ANKS1B: variants seen among roughly 807,000 people sequenced by gnomAD.
ANKS1B encodes ankyrin repeat and sterile alpha motif domain-containing protein 1B.
ANKS1B carries 36 observed loss-of-function variants against 148.3 expected under a neutral mutation model. The observed-to-expected ratio is 0.24, with a 90% CI of 0.19 to 0.32. The LOEUF is 0.32. Among genes scored for constraint, ANKS1B ranks in the 10% least tolerant of loss-of-function variants. The pLI is 1.00. For missense variants in ANKS1B, 1,157 were observed against 1,542.6 expected (o/e 0.75, Z 4.19); for synonymous variants, 542 against 560.8 (o/e 0.97, Z 0.47).
chr12:99,073,200 C>A (rs1253708546), intron 16 of ANKS1B, among the ~76,000 whole-genome samples: 2 of 152,138 alleles, frequency 1.3e-5, no homozygotes, highest in East Asian at 1.9e-4. Context: ...AGGTGAGGAA[C>A]CAGGCACAGA....
In ANKS1B at chr12:99,504,472, T is replaced by C. The variant is rs2096687021; in HGVS notation, c.1438+4A>G. 1 of 1,611,338 alleles carries C rather than the reference T, an allele frequency of 6.2e-7. No homozygotes were observed. Among genetic ancestry groups the C allele is most frequent in the South Asian group, 1.1e-5 (1 of 90,378 alleles). ...TCAGGCCAATTGTGAGTAAGAGATA[T>C]TACCAGTTCTTGGGGAAGGTGCCCT... On this transcript the variant is annotated splice_donor_region_variant and intron_variant, in intron 10 of 26. Coordinates refer to ENST00000683438, the MANE Select transcript of ANKS1B (RefSeq NM_001352186.2).
At chr12:98,793,188 C>T (rs556160097) in intron 22 of ANKS1B, among the ~76,000 whole-genome samples, 2 of 152,244 alleles carry the variant, frequency 1.3e-5, no homozygotes, top group East Asian at 1.9e-4. Context: ...TTTTGCTTTG[C>T]ATTTCCCTAG....
intron 12 of ANKS1B, among the ~76,000 whole-genome samples, chr12:99,356,403 C>T (rs145382137): frequency 2.3e-3 from 346 of 152,252 alleles, no homozygotes; most frequent in African/African-American, 7.7e-3. Flanking sequence ...CTGACCACCA[C>T]GCACTGGCAT....
intron 11 of ANKS1B, among the ~76,000 whole-genome samples, chr12:99,410,893 C>T (rs1435993198): frequency 6.6e-6 from 1 of 152,122 alleles, no homozygotes; most frequent in Non-Finnish European, 1.5e-5. Flanking sequence ...CGTATTGCTC[C>T]CTTGGTCATG....
intron 4 of ANKS1B, among the ~76,000 whole-genome samples, chr12:99,784,338 A>C (rs1015994075): frequency 6.6e-6 from 1 of 151,618 alleles, no homozygotes; most frequent in Admixed American, 6.6e-5. Context: ...CACCCAGCTA[A>C]TTTTTTTGTA....
At chr12:99,367,873 G>C (rs1221189350) in intron 12 of ANKS1B, among the ~76,000 whole-genome samples, 2 of 152,014 alleles carry the variant, frequency 1.3e-5, no homozygotes, top group Non-Finnish European at 2.9e-5. Flanking sequence ...GTAGGGAATA[G>C]ATGGAAAGAA....
intron 8 of ANKS1B, among the ~76,000 whole-genome samples, chr12:99,688,894 G>A (rs563456574): frequency 3.1e-4 from 46 of 149,464 alleles, no homozygotes; most frequent in Non-Finnish European, 2.7e-4. Flanking sequence ...AAAAAAAAAA[G>A]AGAGAAAATG....
intron 17 of ANKS1B, among the ~76,000 whole-genome samples, chr12:98,840,138 C>G (rs2099397715): frequency 6.6e-6 from 1 of 152,094 alleles, no homozygotes; most frequent in Non-Finnish European, 1.5e-5. Flanking sequence ...GAAAATAACA[C>G]CTATGTCTTA....
At chr12:99,585,665 TA>T (rs2097627904) in intron 9 of ANKS1B, among the ~76,000 whole-genome samples, 2 of 152,202 alleles carry the variant, frequency 1.3e-5, no homozygotes, top group Non-Finnish European at 2.9e-5. Flanking sequence ...GAAGTTTCCA[TA>T]CATCCTCCAA....
chr12:99,332,707 T>C lies in ANKS1B; in HGVS notation c.1756+66924A>G, dbSNP rs1371361985. On this transcript the variant is annotated intron_variant, in intron 12 of 26. Transcript: ENST00000683438. The stretch of plus-strand genomic sequence containing the variant: ...GAGCTTTCAAAAAAAAAAAAGCTTT[T>C]TTTCTTTTTTCCAGGTGGACCATGG... 2.0e-5 allele frequency among the ~76,000 whole-genome samples: 3 copies of C among 151,804 alleles called. No individual in the cohort carries two copies. The East Asian group carries it at 5.8e-4, about 29-fold the overall frequency.
intron 17 of ANKS1B, among the ~76,000 whole-genome samples, chr12:99,006,433 T>C (rs1388320070): frequency 2.0e-5 from 3 of 152,206 alleles, no homozygotes; most frequent in African/African-American, 4.8e-5. Flanking sequence ...ATTAGAATAA[T>C]ATGCACAAGA....
In ANKS1B at chr12:99,017,634, C is replaced by A. The variant is rs149218451; in HGVS notation, c.2778+35523G>T. On this transcript the variant is annotated intron_variant, in intron 17 of 26. Transcript: ENST00000683438. ...GATTCCATCCCTAACCAATCAGTGG[C>A]ACCCATTCCCTAGCCCCCTGCCCAC... Among the ~76,000 whole-genome samples, 63 of 152,294 alleles carry A rather than the reference C, an allele frequency of 4.1e-4. 1 individual carries two copies. Among genetic ancestry groups the A allele is most frequent in the Non-Finnish European group, 7.2e-4 (49 of 68,028 alleles).
At chr12:99,366,998 C>G (rs2092803475) in intron 12 of ANKS1B, among the ~76,000 whole-genome samples, 2 of 152,052 alleles carry the variant, frequency 1.3e-5, no homozygotes, top group South Asian at 4.1e-4. Context: ...ATGGATAATT[C>G]TTTGTTATGG....
At chr12:99,616,062 G>A (rs2097956079) in intron 9 of ANKS1B, among the ~76,000 whole-genome samples, 1 of 152,038 alleles carries the variant, frequency 6.6e-6, no homozygotes, top group African/African-American at 2.4e-5. Context: ...AGAATAAAAT[G>A]TCTAGGAATA....
chr12:99,873,592 C>T (rs1264893574), intron 1 of ANKS1B, among the ~76,000 whole-genome samples: 4 of 152,150 alleles, frequency 2.6e-5, no homozygotes, highest in Non-Finnish European at 5.9e-5. Flanking sequence ...TCCAGTTAGA[C>T]ATACCCATCT....
chr12:99,406,164 C>T (rs1298530506), intron 11 of ANKS1B, among the ~76,000 whole-genome samples: 1 of 145,256 alleles, frequency 6.9e-6, no homozygotes, highest in Non-Finnish European at 1.5e-5. Context: ...TACTATAGGT[C>T]AAATGGGCTT....
At chr12:99,531,743 G>A (rs1046348571) in intron 9 of ANKS1B, among the ~76,000 whole-genome samples, 2 of 152,128 alleles carry the variant, frequency 1.3e-5, no homozygotes, top group African/African-American at 4.8e-5. Context: ...TTCAATAGAT[G>A]GTAGATGTGC....
In ANKS1B at chr12:99,360,527, G is replaced by C. The variant is rs140023021; in HGVS notation, c.1756+39104C>G. 2.8e-3 allele frequency among the ~76,000 whole-genome samples: 426 copies of C among 152,174 alleles called. 1 individual carries two copies. The highest frequency in any genetic ancestry group is 4.5e-3 in the Non-Finnish European group (309 of 68,000). On this transcript the variant is annotated intron_variant, in intron 12 of 26. Transcript: ENST00000683438. Reference sequence around the variant, plus strand: ...TTCCCTGACCACTGATTTTGGGCTGGTCCCTGTGATTTGCTTTGACTTATG... The same window carrying C: ...TTCCCTGACCACTGATTTTGGGCTGCTCCCTGTGATTTGCTTTGACTTATG...
In ANKS1B at chr12:98,833,124, C is replaced by T. The variant is rs921892213; in HGVS notation, c.2779-988G>A. On this transcript the variant is annotated intron_variant, in intron 17 of 26. Transcript: ENST00000683438. ...TCTCAAAGGGAACTGAGAATTGCAG[C>T]GCCTCAATCCTCAGCCCCATTCCCG... 5.9e-5 allele frequency among the ~76,000 whole-genome samples: 9 copies of T among 152,170 alleles called. No homozygotes were observed. In the Middle Eastern group the frequency reaches 0.01, roughly 173 times the overall value.
Sources: allele counts gnomAD v4.1 joint callset (sites outside exome capture counted in the v4.1 genomes callset), GRCh38; gene constraint gnomAD v4.1.1; transcripts MANE v1.5; gene names NCBI Gene and HGNC (gene_info 2026-07-23, HGNC 2026-07-21).